The following AKAP6 variants were observed in gnomAD, a reference collection of about 807,000 sequenced individuals.
The protein encoded by AKAP6 is A-kinase anchoring protein 6.
Under a neutral mutation model 188.5 loss-of-function variants are expected in AKAP6, and 58 were observed. That is an observed-to-expected ratio of 0.31 (90% CI 0.25 to 0.38). AKAP6 has a LOEUF of 0.38. Ranked by LOEUF, AKAP6 falls within the 10% of genes least tolerant of loss-of-function variation. The pLI is 1.00. For missense variants in AKAP6, 2,710 were observed against 2,740.0 expected (o/e 0.99, Z 0.24); for synonymous variants, 989 against 998.6 (o/e 0.99, Z 0.18).
intron 3 of AKAP6, among the ~76,000 whole-genome samples, chr14:32,542,520 C>A (rs1883004563): frequency 6.6e-6 from 1 of 152,042 alleles, no homozygotes; most frequent in South Asian, 2.1e-4. Context: ...GCAGGGCTTA[C>A]AATAAAATAT....
chr14:32,682,548 C>T (rs761857148), intron 8 of AKAP6, among the ~76,000 whole-genome samples: 4 of 152,178 alleles, frequency 2.6e-5, no homozygotes, highest in Admixed American at 6.5e-5. Context: ...AATCATCAGA[C>T]TGCTTGCTGT....
At chr14:32,362,282 G>T (rs2138491144) in intron 1 of AKAP6, among the ~76,000 whole-genome samples, 1 of 152,314 alleles carries the variant, frequency 6.6e-6, no homozygotes, top group Middle Eastern at 3.4e-3. Flanking sequence ...AGTACTACAT[G>T]ACTTGTGTGC....
At chr14:32,618,222 A>T (rs1192396790) in intron 7 of AKAP6, among the ~76,000 whole-genome samples, 1 of 152,172 alleles carries the variant, frequency 6.6e-6, no homozygotes, top group Non-Finnish European at 1.5e-5. Context: ...AGCTTTAGGG[A>T]TACCAGCGGT....
At chr14:32,653,643 T>C (rs1425531343) in intron 7 of AKAP6, among the ~76,000 whole-genome samples, 1 of 143,002 alleles carries the variant, frequency 7.0e-6, no homozygotes, top group African/African-American at 2.5e-5. Context: ...TAAGTATTTA[T>C]AGCAATGCAA....
Position 32,758,009 on chromosome 14 carries a change from G to A in AKAP6, c.3373-15669G>A, listed in dbSNP as rs139786305. ...TTATTTGAATATTATTCAAATATGTGTACTTATGAGTCTGTGTATCTTGTC... is the reference window on the plus strand; with the variant it reads ...TTATTTGAATATTATTCAAATATGTATACTTATGAGTCTGTGTATCTTGTC... On this transcript the variant is annotated intron_variant, in intron 11 of 13. Coordinates refer to ENST00000280979, the MANE Select transcript of AKAP6 (RefSeq NM_004274.5). 1.1e-4 allele frequency among the ~76,000 whole-genome samples: 17 copies of A among 152,248 alleles called. No homozygotes were observed. The East Asian group carries it at 2.7e-3, about 24-fold the overall frequency.
At chr14:32,342,844 C>T (rs549866868) in intron 1 of AKAP6, among the ~76,000 whole-genome samples, 2 of 152,206 alleles carry the variant, frequency 1.3e-5, no homozygotes, top group East Asian at 3.9e-4. Flanking sequence ...GTTACTACAT[C>T]CTAATTCAAG....
chr14:32,768,580 G>A (rs2032789039), intron 11 of AKAP6, among the ~76,000 whole-genome samples: 1 of 152,106 alleles, frequency 6.6e-6, no homozygotes, highest in Admixed American at 6.5e-5. Context: ...ATAAAAATAG[G>A]AAAGTAATTG....
chr14:32,725,002 A>AAAAAAAAAAAC (rs2030780514), intron 9 of AKAP6, among the ~76,000 whole-genome samples: 1 of 148,826 alleles, frequency 6.7e-6, no homozygotes, highest in Non-Finnish European at 1.5e-5. Flanking sequence ...AAAAAAAAAA[A>AAAAAAAAAAAC]AAAAAAAAAA....
intron 12 of AKAP6, among the ~76,000 whole-genome samples, chr14:32,805,595 C>T (rs2034068722): frequency 6.6e-6 from 1 of 152,204 alleles, no homozygotes; most frequent in African/African-American, 2.4e-5. Context: ...GCCTCAGTAT[C>T]AACTCCCTGA....
At chr14:32,716,776 C>G (rs1381684820) in intron 9 of AKAP6, among the ~76,000 whole-genome samples, 1 of 151,376 alleles carries the variant, frequency 6.6e-6, no homozygotes, top group Admixed American at 6.6e-5. Flanking sequence ...TCTCTAATAA[C>G]AATAGTTACA....
chr14:32,521,660 A>G (rs1881840524), intron 2 of AKAP6, among the ~76,000 whole-genome samples: 1 of 152,206 alleles, frequency 6.6e-6, no homozygotes, highest in South Asian at 2.1e-4. Flanking sequence ...AAGGAGAACT[A>G]CAAACCACTG....
intron 7 of AKAP6, among the ~76,000 whole-genome samples, chr14:32,656,830 A>G (rs1888472889): frequency 6.6e-6 from 1 of 152,172 alleles, no homozygotes; most frequent in Non-Finnish European, 1.5e-5. Flanking sequence ...GGTTTGTCAC[A>G]TGTTTATAAA....
intron 11 of AKAP6, among the ~76,000 whole-genome samples, chr14:32,767,789 T>C (rs2032764295): frequency 6.6e-6 from 1 of 152,178 alleles, no homozygotes; most frequent in Non-Finnish European, 1.5e-5. Flanking sequence ...ATGATCTTTT[T>C]TATTCTCAAA....
In AKAP6 at chr14:32,822,141, TAAACAGTATTACC is replaced by T; in HGVS notation, c.4334_4346del (p.Ser1445IlefsTer34). 1 of 1,613,888 alleles carries T rather than the reference TAAACAGTATTACC, an allele frequency of 6.2e-7. No individual in the cohort carries two copies. Among genetic ancestry groups the T allele is most frequent in the East Asian group, 2.2e-5 (1 of 44,874 alleles). On this transcript the variant is annotated frameshift_variant, in exon 13 of 14. Coordinates refer to ENST00000280979, the MANE Select transcript of AKAP6 (RefSeq NM_004274.5). LOFTEE classifies it high-confidence loss of function. The stretch of plus-strand genomic sequence containing the variant: ...TGTGTAAATGGAAAAGTTGGAGATT[TAAACAGTATTACC>T]AAACATACCCCTGACTGTTTGGGAG...
At chr14:32,739,554 T>C (rs918987066) in intron 11 of AKAP6, among the ~76,000 whole-genome samples, 6 of 152,000 alleles carry the variant, frequency 3.9e-5, no homozygotes, top group Admixed American at 3.9e-4. Flanking sequence ...CCATCCCCCC[T>C]ACTCTCTATA....
intron 1 of AKAP6, among the ~76,000 whole-genome samples, chr14:32,367,434 C>A (rs1234786285): frequency 6.6e-6 from 1 of 152,156 alleles, no homozygotes; most frequent in African/African-American, 2.4e-5. Flanking sequence ...TGAACATTAG[C>A]ATTATCAAAT....
intron 1 of AKAP6, among the ~76,000 whole-genome samples, chr14:32,375,500 CAA>C (rs35341541): frequency 2.3e-5 from 3 of 127,808 alleles, no homozygotes; most frequent in Non-Finnish European, 5.0e-5. Context: ...TTAGAGTAAG[CAA>C]AAAAAAAAAA....
At chr14:32,726,070 G>C (rs2030856260) in intron 9 of AKAP6, 1 of 463,776 alleles carries the variant, frequency 2.2e-6, no homozygotes, top group African/African-American at 2.1e-5. Context: ...TTTCTGTGCA[G>C]TCATTTTGGC....
chr14:32,536,905 T>C (rs1230026303), intron 3 of AKAP6, among the ~76,000 whole-genome samples: 3 of 152,202 alleles, frequency 2.0e-5, no homozygotes, highest in Admixed American at 2.0e-4. Flanking sequence ...CGCAGGCATG[T>C]GTGTTTAGTC....
Sources: allele counts gnomAD v4.1 joint callset (sites outside exome capture counted in the v4.1 genomes callset), GRCh38; gene constraint gnomAD v4.1.1; transcripts MANE v1.5; gene names NCBI Gene and HGNC (gene_info 2026-07-23, HGNC 2026-07-21).